Variants in PIAS2 observed in about 807,000 individuals in gnomAD.
PIAS2 encodes E3 SUMO-protein ligase PIAS2.
A neutral mutation model predicts 69.7 loss-of-function variants in PIAS2; 19 were observed. The observed-to-expected ratio is 0.27, with a 90% CI of 0.19 to 0.40. The LOEUF (loss-of-function observed/expected upper bound fraction) is 0.40. Among genes scored for constraint, PIAS2 ranks in the 10% least tolerant of loss-of-function variants. PIAS2 has a pLI of 1.00. For synonymous variants in PIAS2, 261 were observed against 263.2 expected, an observed-to-expected ratio of 0.99 and a Z score of 0.08; for missense variants, 624 against 757.0, an observed-to-expected ratio of 0.82 and a Z score of 2.06.
chr18:46,851,447 C>G (rs2046954222), intron 5 of PIAS2, among the ~76,000 whole-genome samples: 1 of 152,152 alleles, frequency 6.6e-6, no homozygotes, highest in Admixed American at 6.5e-5. Context: ...ACAAAGAGGG[C>G]CTTTTTCTTT....
At chr18:46,876,470 T>C (rs1299486077) in intron 2 of PIAS2, among the ~76,000 whole-genome samples, 1 of 152,174 alleles carries the variant, frequency 6.6e-6, no homozygotes, top group African/African-American at 2.4e-5. Context: ...AAGGAACAGC[T>C]AAACAATTAG....
At chr18:46,832,342 G>C (rs2043758916) in intron 9 of PIAS2, among the ~76,000 whole-genome samples, 1 of 151,952 alleles carries the variant, frequency 6.6e-6, no homozygotes, top group Admixed American at 6.5e-5. Flanking sequence ...TTGAACCCAG[G>C]AGGTGGAAGG....
At chr18:46,846,225 T>C (rs1388907691) in intron 6 of PIAS2, among the ~76,000 whole-genome samples, 1 of 152,136 alleles carries the variant, frequency 6.6e-6, no homozygotes, top group Non-Finnish European at 1.5e-5. Context: ...AGAGAAAATA[T>C]TATAATTCTA....
chr18:46,854,808 C>T (rs1158357467), intron 5 of PIAS2, among the ~76,000 whole-genome samples: 2 of 152,200 alleles, frequency 1.3e-5, no homozygotes, highest in East Asian at 1.9e-4. Flanking sequence ...CCACTCTCAG[C>T]AGCCTCTGCT....
intron 3 of PIAS2, among the ~76,000 whole-genome samples, chr18:46,855,997 G>GTTTTTTTTTTTTT (rs1171297653): frequency 1.5e-4 from 10 of 67,970 alleles, no homozygotes; most frequent in Admixed American, 2.1e-4. Flanking sequence ...TTTTTCTTTT[G>GTTTTTTTTTTTTT]TTTTTTTTTT....
chr18:46,884,434 T>A (rs1484041501), intron 2 of PIAS2, among the ~76,000 whole-genome samples: 1 of 151,874 alleles, frequency 6.6e-6, no homozygotes, highest in African/African-American at 2.4e-5. Flanking sequence ...TGCCTCAGCC[T>A]CCCGAGTAGC....
chr18:46,827,752 G>C (rs545207808), intron 11 of PIAS2: 6 of 459,524 alleles, frequency 1.3e-5, no homozygotes, highest in Non-Finnish European at 2.3e-5. Context: ...TACCTCACAC[G>C]CTCACTTTCC....
rs529538288 is a variant in PIAS2 at position 46,843,494 on chromosome 18, T to C, written c.1041+560A>G. On this transcript the variant is annotated intron_variant, in intron 8 of 13. Transcript: ENST00000585916. ...TTTTTATGGGAGTTGGTTTTATTTTTCAAACTCAATTATTAACATTCTAAG... is the reference window on the plus strand; with the variant it reads ...TTTTTATGGGAGTTGGTTTTATTTTCCAAACTCAATTATTAACATTCTAAG... Among the ~76,000 whole-genome samples the C allele has an allele frequency of 9.2e-5, 14 of 152,282 alleles. No homozygotes were observed. In the South Asian group the frequency reaches 2.5e-3, roughly 27 times the overall value.
intron 3 of PIAS2, 84 bp from the exon 4 acceptor site, chr18:46,855,699 G>T: frequency 2.0e-6 from 2 of 1,020,208 alleles, no homozygotes; most frequent in African/African-American, 1.6e-5. Flanking sequence ...AAAAGGAAAA[G>T]CATTATTTGT....
intron 1 of PIAS2, among the ~76,000 whole-genome samples, chr18:46,900,789 GAT>G (rs2055707211): frequency 6.6e-6 from 1 of 151,600 alleles, no homozygotes; most frequent in African/African-American, 2.4e-5. Flanking sequence ...GCCTGGCCAA[GAT>G]GGTGAAACCC....
intron 1 of PIAS2, among the ~76,000 whole-genome samples, chr18:46,913,477 C>T (rs1288388015): frequency 2.6e-5 from 4 of 151,562 alleles, no homozygotes; most frequent in African/African-American, 4.9e-5. Context: ...CTCACAGGCA[C>T]ATTCTCTCTC....
intron 12 of PIAS2, chr18:46,817,460 A>G (rs2041681592): frequency 3.1e-6 from 3 of 955,770 alleles, no homozygotes; most frequent in Non-Finnish European, 2.5e-6. Flanking sequence ...TGAGGATCCT[A>G]TTTTTGTTAT....
intron 1 of PIAS2, among the ~76,000 whole-genome samples, chr18:46,912,083 A>G (rs766806849): frequency 8.5e-5 from 13 of 152,120 alleles, no homozygotes; most frequent in Non-Finnish European, 1.9e-4. Context: ...AACAAAGGCT[A>G]GGAAGGGAGG....
chr18:46,876,426 C>T (rs907617850), intron 2 of PIAS2, among the ~76,000 whole-genome samples: 3 of 152,136 alleles, frequency 2.0e-5, no homozygotes, highest in Admixed American at 6.5e-5. Context: ...TTACAACCAG[C>T]AACGATTTGT....
chr18:46,856,505 C>T (rs1032421395), intron 3 of PIAS2, among the ~76,000 whole-genome samples: 10 of 152,104 alleles, frequency 6.6e-5, no homozygotes, highest in Admixed American at 5.9e-4. Context: ...CTTATAATTT[C>T]TAGATGAGAA....
At chr18:46,861,612 C>A (rs745323394) in intron 3 of PIAS2, among the ~76,000 whole-genome samples, 1 of 152,122 alleles carries the variant, frequency 6.6e-6, no homozygotes, top group Non-Finnish European at 1.5e-5. Flanking sequence ...CTGAGAAGGG[C>A]ACATAACTTG....
rs60547242 is a variant in PIAS2, at chr18:46,811,605, G to GAA, written c.*827_*828insTT. 6.6e-6 allele frequency: 1 copy of GAA among 152,090 alleles called. No individual in the cohort carries two copies. The highest frequency in any genetic ancestry group is 1.5e-5 in the Non-Finnish European group (1 of 68,024). The allele number at this position is 152,090 out of a possible 1,614,324, so 9.4% of individuals were successfully genotyped here. A position where few individuals can be genotyped will look rare whatever the true frequency, so the allele number is the denominator to read the frequency against. ...AGACATTTCATTCAATGGCTGCATA[G>GAA]TTTCTTTTTTGAGAAGGCAAGCCTC... On this transcript the variant is annotated 3_prime_UTR_variant, in exon 14 of 14. Transcript: ENST00000585916.
At chr18:46,898,620 C>G (rs759977482) in intron 1 of PIAS2, among the ~76,000 whole-genome samples, 1 of 151,598 alleles carries the variant, frequency 6.6e-6, no homozygotes, top group African/African-American at 2.4e-5. Flanking sequence ...TTAAAAAAAC[C>G]GAAGTAACAC....
intron 2 of PIAS2, among the ~76,000 whole-genome samples, chr18:46,882,087 A>G (rs541634138): frequency 6.6e-6 from 1 of 151,652 alleles, no homozygotes; most frequent in East Asian, 2.0e-4. Context: ...ACAGAACAAG[A>G]CTTTGTCTCG....
Sources: gnomAD v4.1 joint callset for allele counts (sites outside exome capture counted in the v4.1 genomes callset) on GRCh38, gnomAD v4.1.1 for gene constraint, MANE v1.5 for transcripts, NCBI Gene and HGNC (gene_info 2026-07-23, HGNC 2026-07-21) for gene names.